Variants in ATP8B3 observed in about 807,000 individuals in gnomAD.
ATP8B3 encodes phospholipid-transporting ATPase IK.
In ATP8B3, 141 loss-of-function variants were observed where a neutral mutation model predicts 140.9. The ratio of observed to expected loss-of-function variants is 1.00; its 90% CI spans 0.87 to 1.15. ATP8B3 has a LOEUF of 1.15. Among genes scored for constraint, ATP8B3 ranks in the 50% most tolerant of loss-of-function variants. The pLI, the probability that ATP8B3 is intolerant of heterozygous loss-of-function variation, is 0.00. For missense variants in ATP8B3, 1,874 were observed against 1,740.6 expected (o/e 1.08, Z -1.36); for synonymous variants, 765 against 714.6 (o/e 1.07, Z -1.13).
intron 18 of ATP8B3, among the ~76,000 whole-genome samples, chr19:1,793,571 G>A (rs2068580825): frequency 6.6e-6 from 1 of 152,172 alleles, no homozygotes; most frequent in South Asian, 2.1e-4. Flanking sequence ...ACCCAGGGTT[G>A]GGGCCTCTAG....
intron 16 of ATP8B3, 127 bp from the exon 17 acceptor site, chr19:1,796,392 A>C (rs2068676635): frequency 2.1e-6 from 2 of 936,538 alleles, no homozygotes; most frequent in Non-Finnish European, 1.6e-6. Flanking sequence ...CCCCGCCTGT[A>C]CAACCCAATG....
At chr19:1,785,011 A>G (rs1468077129) in intron 27 of ATP8B3, 65 bp from the exon 28 acceptor site, 34 of 1,546,910 alleles carry the variant, frequency 2.2e-5, no homozygotes, top group African/African-American at 2.7e-5. Flanking sequence ...CAGGCTAGGG[A>G]GCGCCTTGGT....
At chr19:1,787,227 C>A in intron 24 of ATP8B3, 41 bp from the exon 25 acceptor site, 1 of 1,543,562 alleles carries the variant, frequency 6.5e-7, no homozygotes, top group East Asian at 2.3e-5. Context: ...AGTCAGCCTC[C>A]AGGCACCCAA....
chr19:1,783,145 G>A lies in ATP8B3; in HGVS notation c.3786C>T (p.Asn1262=). The stretch of plus-strand genomic sequence containing the variant: ...GCAGAATTGTGCCCTGAGTGATGAG[G>A]TTTGCATATCCCTCACGGTGGGAGA... ...YAFSHREGYA[N]LITQGTILRR... The change falls in exon 29 of 29, where the codon AAC becomes AAT. Residue 1262 remains asparagine, a synonymous_variant. Transcript: ENST00000310127. 2 of 1,613,746 alleles carry A rather than the reference G, an allele frequency of 1.2e-6. No individual in the cohort carries two copies. The highest frequency in any genetic ancestry group is 2.2e-5 in the South Asian group (2 of 91,052).
chr19:1,806,719 C>T lies in ATP8B3; in HGVS notation c.616-30G>A. 1 of 1,551,876 alleles carries T rather than the reference C, an allele frequency of 6.4e-7. No homozygotes were observed. Among genetic ancestry groups the T allele is most frequent in the Non-Finnish European group, 8.7e-7 (1 of 1,147,528 alleles). ...GCCAGGAGGGAAAGGATCAGAGAGA[C>T]CGTCCAGCCTCTCCTGCCCCCGCCC... On this transcript the variant is annotated intron_variant, in intron 6 of 28. Coordinates refer to ENST00000310127, the MANE Select transcript of ATP8B3 (RefSeq NM_138813.4). The surrounding 1 kb of genome is among the most constrained non-coding windows in gnomAD (Gnocchi z 5.6).
chr19:1,790,064 C>T (rs2068444844), intron 21 of ATP8B3, 75 bp from the exon 22 acceptor site: 3 of 1,137,550 alleles, frequency 2.6e-6, no homozygotes, highest in Admixed American at 1.8e-5. Context: ...TCCACTGCCC[C>T]TCCCACCCCT....
rs766276198 is a variant in ATP8B3, at chr19:1,782,994, TC to T, written c.*33del. On this transcript the variant is annotated 3_prime_UTR_variant, in exon 29 of 29. Coordinates refer to ENST00000310127, the MANE Select transcript of ATP8B3 (RefSeq NM_138813.4). ...GACACCTGCCCCTGTGGCTGGTGCTTCTTCTTCCCCAGGAAGGACATCTTCC... is the reference window on the plus strand; with the variant it reads ...GACACCTGCCCCTGTGGCTGGTGCTTTTCTTCCCCAGGAAGGACATCTTCC... 3 of 1,573,880 alleles carry T rather than the reference TC, an allele frequency of 1.9e-6. No homozygotes were observed. Among genetic ancestry groups the T allele is most frequent in the Non-Finnish European group, 2.6e-6 (3 of 1,160,478 alleles).
chr19:1,810,260 C>CT (rs1389519156), intron 3 of ATP8B3, among the ~76,000 whole-genome samples: 5 of 152,160 alleles, frequency 3.3e-5, no homozygotes, highest in Non-Finnish European at 7.4e-5. Flanking sequence ...CAGCCCTGCA[C>CT]TTTTTTCTTT....
Position 1,789,564 on chromosome 19 carries a change from G to A in ATP8B3, c.2642C>T (p.Pro881Leu), listed in dbSNP as rs775241415. Residue 881 changes from proline (P) to leucine (L), a missense_variant, in exon 23 of 29, where the codon CCA becomes CTA. By Grantham distance (98) the Pro-to-Leu change is moderately conservative (BLOSUM62 -3). Coordinates refer to ENST00000310127, the MANE Select transcript of ATP8B3 (RefSeq NM_138813.4). ...RRFGLPLAAP[P>L]AQDSRARRSS... ...ACGGCGGGCTCTGGAGTCCTGGGCTGGCGGTGCAGCCAGCGGGAGCCCGAA... is the reference window on the plus strand; with the variant it reads ...ACGGCGGGCTCTGGAGTCCTGGGCTAGCGGTGCAGCCAGCGGGAGCCCGAA... 10 of 1,594,698 alleles carry A rather than the reference G, an allele frequency of 6.3e-6. No homozygotes were observed. The highest frequency in any genetic ancestry group is 1.3e-5 in the African/African-American group (1 of 74,666).
rs761389529 is a variant in ATP8B3, at chr19:1,796,162, C to A, written c.1857G>T (p.Thr619=). ...CCCGTTCCTCCCCCAGCTCCATGAT[C>A]GTGACGGTGTCCTGGGTGCGGGACA... ...VFLSRTQDTV[T]IMELGEERVY... The change falls in exon 17 of 29, where the codon ACG becomes ACT. Residue 619 remains threonine (T), a synonymous_variant. Coordinates refer to ENST00000310127, the MANE Select transcript of ATP8B3 (RefSeq NM_138813.4). 36 of 1,612,956 alleles carry A rather than the reference C, an allele frequency of 2.2e-5. No homozygotes were observed. The highest frequency in any genetic ancestry group is 3.1e-5 in the Non-Finnish European group (36 of 1,179,864).
At position 1,806,823 on chromosome 19, in the gene ATP8B3, GTCTGCTCAGGGA is replaced by G; in HGVS notation, c.616-146_616-135del. ...GTCCGCTGGCCCCACGCCACGTTGC[GTCTGCTCAGGGA>G]TCCCGGACGTGGGGGCCACTGGACC... On this transcript the variant is annotated intron_variant, in intron 6 of 28. Coordinates refer to ENST00000310127, the MANE Select transcript of ATP8B3 (RefSeq NM_138813.4). This position sits in a 1 kb window ranked among gnomAD's most constrained non-coding sequence, Gnocchi z 5.6. 9.8e-7 allele frequency: 1 copy of G among 1,015,642 alleles called. No homozygotes were observed. The highest frequency in any genetic ancestry group is 1.5e-6 in the Non-Finnish European group (1 of 680,316). The allele number at this position is 1,015,642 out of a possible 1,614,324, so 62.9% of individuals were successfully genotyped here.
intron 24 of ATP8B3, among the ~76,000 whole-genome samples, chr19:1,788,388 C>T (rs537716653): frequency 1.3e-5 from 2 of 152,132 alleles, no homozygotes; most frequent in East Asian, 3.9e-4. Flanking sequence ...CGGTGGCTCA[C>T]GCTGTAATCC....
Position 1,805,410 on chromosome 19 carries a change from C to T in ATP8B3, c.868G>A (p.Glu290Lys). Reference sequence around the variant, plus strand: ...GCCATCTTCTTTATAGTGGCCAGTTCTTTGTGGGTGACCATCAGGGCCTGT... The same window carrying T: ...GCCATCTTCTTTATAGTGGCCAGTTTTTTGTGGGTGACCATCAGGGCCTGT... ...FRQALMVTHK[E>K]LATIKKMASF... Residue 290 changes from glutamate (E) to lysine (K), a missense_variant, in exon 10 of 29, where the codon GAA (glutamate) becomes AAA (lysine). Physicochemically the swap from Glu to Lys is moderately conservative, Grantham distance 56. Around this residue, in one of 3 missense-constraint regions of ATP8B3, gnomAD observed 1,032 missense variants for 963.6 expected, o/e 1.07. Coordinates refer to ENST00000310127, the MANE Select transcript of ATP8B3 (RefSeq NM_138813.4). The surrounding 1 kb of genome is among the most constrained non-coding windows in gnomAD (Gnocchi z 5.2). The T allele has an allele frequency of 6.4e-7, 1 of 1,568,138 alleles. No homozygotes were observed. The highest frequency in any genetic ancestry group is 8.7e-7 in the Non-Finnish European group (1 of 1,154,364).
At position 1,789,007 on chromosome 19, in the gene ATP8B3, G is replaced by A. The variant is rs2068395324; in HGVS notation, c.2959C>T (p.Arg987Cys). Residue 987 changes from arginine (R) to cysteine (C), a missense_variant, in exon 24 of 29, where the codon CGC becomes TGC. Arg to Cys is a radical substitution (Grantham distance 180, BLOSUM62 -3). Coordinates refer to ENST00000310127, the MANE Select transcript of ATP8B3 (RefSeq NM_138813.4). The part of the protein sequence containing the change: ...FLQRLLLVHG[R>C]WSYVRICKFL... ...TTGCAGATCCGCACGTAGGACCAGC[G>A]GCCGTGCACCAGCAGGAGGCGCTGC... is the stretch of plus-strand genomic sequence containing the variant. 6.2e-7 allele frequency: 1 copy of A among 1,610,294 alleles called. No homozygotes were observed. The highest frequency in any genetic ancestry group is 8.5e-7 in the Non-Finnish European group (1 of 1,178,796).
Position 1,811,600 on chromosome 19 carries a change from C to T in ATP8B3, c.137G>A (p.Gly46Asp). The T allele has an allele frequency of 6.2e-7, 1 of 1,612,330 alleles. No individual in the cohort carries two copies. Among genetic ancestry groups the T allele is most frequent in the Non-Finnish European group, 8.5e-7 (1 of 1,179,796 alleles). ...CATCCCAGCTCTGATCACCGTCTCA[C>T]CTCCGCGGATGCCAGCAGGACCTGA... Reference protein sequence around the residue: ...EGSGPAGIRGGETVIRAGMGD... With the variant: ...EGSGPAGIRGDETVIRAGMGD... Residue 46 changes from glycine to aspartate, a missense_variant, in exon 2 of 29, where the codon GGT (glycine) becomes GAT (aspartate). Around this residue, in one of 3 missense-constraint regions of ATP8B3, gnomAD observed 1,032 missense variants for 963.6 expected, o/e 1.07. Coordinates refer to ENST00000310127, the MANE Select transcript of ATP8B3 (RefSeq NM_138813.4).
rs2068252562 is a variant in ATP8B3, at chr19:1,784,876, G to A, written c.3603C>T (p.Thr1201=). ...LVVLLSVSIN[T]FPVLALRVIF... ...TGACTCGGAGGGCCAGGACAGGGAA[G>A]GTGTTTATGGACACACTCAGCAGGA... The change falls in exon 28 of 29, where the codon ACC becomes ACT. Residue 1201 remains threonine, a synonymous_variant. Coordinates refer to ENST00000310127, the MANE Select transcript of ATP8B3 (RefSeq NM_138813.4). The A allele has an allele frequency of 1.9e-6, 3 of 1,613,100 alleles. No individual in the cohort carries two copies. Among genetic ancestry groups the A allele is most frequent in the Non-Finnish European group, 2.5e-6 (3 of 1,179,606 alleles).
Position 1,790,848 on chromosome 19 carries a change from G to T in ATP8B3, c.2303-16C>A. On this transcript the variant is annotated splice_polypyrimidine_tract_variant and intron_variant, in intron 20 of 28. Coordinates refer to ENST00000310127, the MANE Select transcript of ATP8B3 (RefSeq NM_138813.4). ...ACAGCCGTTTCTGCGAAGCAGACCA[G>T]CTCAGCGCCTCTGCGACCCGCCCCG... The T allele has an allele frequency of 6.3e-7, 1 of 1,585,128 alleles. No homozygotes were observed. The highest frequency in any genetic ancestry group is 8.6e-7 in the Non-Finnish European group (1 of 1,168,182).
Position 1,796,632 on chromosome 19 carries a change from G to T in ATP8B3, c.1753+79C>A, listed in dbSNP as rs902342610. ...AGCTGAAAGCCCTGGAAGATGGGCC[G>T]GGTGAGCTGCGGGGCTGGGGACACT... is the stretch of plus-strand genomic sequence containing the variant. On this transcript the variant is annotated intron_variant, in intron 16 of 28. Transcript: ENST00000310127. 4.0e-6 allele frequency: 6 copies of T among 1,507,544 alleles called. No individual in the cohort carries two copies. In the African/African-American group the frequency reaches 8.3e-5, roughly 21 times the overall value. 93.4% of individuals were successfully genotyped at this position (1,507,544 alleles called of 1,614,324 possible).
At chr19:1,787,466 C>T (rs955318696) in intron 24 of ATP8B3, among the ~76,000 whole-genome samples, 5 of 152,120 alleles carry the variant, frequency 3.3e-5, no homozygotes, top group Non-Finnish European at 7.4e-5. Flanking sequence ...CGGTGGCTCA[C>T]GCCTATAATC....
Sources: allele counts gnomAD v4.1 joint callset (sites outside exome capture counted in the v4.1 genomes callset), GRCh38; gene constraint gnomAD v4.1.1; regional missense constraint gnomAD v4.1.1; non-coding constraint Gnocchi (gnomAD v3.1); transcripts MANE v1.5; gene names NCBI Gene and HGNC (gene_info 2026-07-23, HGNC 2026-07-21).